ATXN1: variants seen among roughly 807,000 people sequenced by gnomAD.
ATXN1 encodes ataxin 1, also known as ataxin-1.
A neutral mutation model predicts 56.4 loss-of-function variants in ATXN1; 8 were observed. That is an observed-to-expected ratio of 0.14 (90% confidence interval 0.08 to 0.26). ATXN1 has a LOEUF of 0.26. Among genes scored for constraint, ATXN1 ranks in the 10% least tolerant of loss-of-function variants. The probability of loss-of-function intolerance (pLI) is 1.00; values close to 1 mark genes in which losing one functional copy is unlikely to be tolerated. For missense variants in ATXN1, 987 were observed against 1,106.5 expected, an observed-to-expected ratio of 0.89 and a Z score of 1.53; for synonymous variants, 514 against 494.6, an observed-to-expected ratio of 1.04 and a Z score of -0.52.
chr6:16,737,157 T>C (rs890181801), intron 2 of ATXN1: 1 of 152,210 alleles, frequency 6.6e-6, no homozygotes, highest in African/African-American at 2.4e-5. Flanking sequence ...TTCCTAACCA[T>C]GCACAGATGG....
chr6:16,306,360 C>A lies in ATXN1; in HGVS notation c.2417G>T (p.Cys806Phe), dbSNP rs758365128. 5.6e-6 allele frequency: 9 copies of A among 1,612,286 alleles called. No homozygotes were observed. Among genetic ancestry groups the A allele is most frequent in the Non-Finnish European group, 6.8e-6 (8 of 1,179,246 alleles). ...GCCTACATTAGACCGGCCTTCAATGCAAATCTTAACCTCCTGAGGAATTAG... is the reference window on the plus strand; with the variant it reads ...GCCTACATTAGACCGGCCTTCAATGAAAATCTTAACCTCCTGAGGAATTAG... Reference protein sequence around the residue: ...PSLIPQEVKICIEGRSNVGK With the variant: ...PSLIPQEVKIFIEGRSNVGK Residue 806 changes from cysteine to phenylalanine, a missense_variant, in exon 8 of 8, where the codon TGC becomes TTC. Cys to Phe is a radical substitution (Grantham distance 205, BLOSUM62 -2). Coordinates refer to ENST00000436367, the MANE Select transcript of ATXN1 (RefSeq NM_001128164.2). This position sits in a 1 kb window ranked among gnomAD's most constrained non-coding sequence, Gnocchi z 5.2.
chr6:16,590,148 T>C (rs1424728665), intron 3 of ATXN1, among the ~76,000 whole-genome samples: 4 of 152,232 alleles, frequency 2.6e-5, no homozygotes, highest in African/African-American at 7.2e-5. Flanking sequence ...CAGAGTAATG[T>C]GACTTCATAA....
At chr6:16,621,572 T>A (rs1763321123) in intron 3 of ATXN1, among the ~76,000 whole-genome samples, 1 of 151,984 alleles carries the variant, frequency 6.6e-6, no homozygotes, top group Admixed American at 6.6e-5. Flanking sequence ...AATACAAAAA[T>A]TAGCTGGGTG....
At chr6:16,363,570 G>A (rs1233216487) in intron 6 of ATXN1, among the ~76,000 whole-genome samples, 1 of 152,302 alleles carries the variant, frequency 6.6e-6, no homozygotes, top group Admixed American at 6.5e-5. Context: ...TCTAACCAAA[G>A]AACAAGGCAA....
intron 4 of ATXN1, among the ~76,000 whole-genome samples, chr6:16,548,485 T>G (rs1344143073): frequency 6.6e-6 from 1 of 152,264 alleles, no homozygotes; most frequent in Non-Finnish European, 1.5e-5. Flanking sequence ...AACACATTAT[T>G]TAAAACTTTT....
At chr6:16,421,702 G>A (rs963470341) in intron 6 of ATXN1, among the ~76,000 whole-genome samples, 2 of 152,024 alleles carry the variant, frequency 1.3e-5, no homozygotes, top group South Asian at 2.1e-4. Flanking sequence ...GGAGATGAGC[G>A]TGCATGCAAA....
chr6:16,617,040 A>G (rs1763227051), intron 3 of ATXN1, among the ~76,000 whole-genome samples: 1 of 152,174 alleles, frequency 6.6e-6, no homozygotes, highest in African/African-American at 2.4e-5. Flanking sequence ...AGGAAAAAAC[A>G]CAATCTATAT....
At chr6:16,346,787 T>C (rs1217222656) in intron 6 of ATXN1, among the ~76,000 whole-genome samples, 1 of 152,176 alleles carries the variant, frequency 6.6e-6, no homozygotes, top group African/African-American at 2.4e-5. Context: ...TGGCGGCTCT[T>C]GAGGAGCCCT....
At chr6:16,464,974 A>G (rs1760073816) in intron 6 of ATXN1, among the ~76,000 whole-genome samples, 1 of 151,780 alleles carries the variant, frequency 6.6e-6, no homozygotes, top group African/African-American at 2.4e-5. Flanking sequence ...ACTGTTTGTC[A>G]GGGGTCGGGG....
intron 6 of ATXN1, among the ~76,000 whole-genome samples, chr6:16,395,744 G>A (rs900598550): frequency 9.9e-5 from 15 of 152,072 alleles, no homozygotes; most frequent in Non-Finnish European, 2.1e-4. Context: ...TAGGCCGGGC[G>A]CAGTGGCTCA....
intron 6 of ATXN1, among the ~76,000 whole-genome samples, chr6:16,332,503 C>T (rs1349209964): frequency 6.6e-6 from 1 of 152,160 alleles, no homozygotes; most frequent in Admixed American, 6.5e-5. Flanking sequence ...CTGAATTGCC[C>T]TCCCAGGGGA....
At chr6:16,613,366 C>T (rs960497061) in intron 3 of ATXN1, among the ~76,000 whole-genome samples, 1 of 147,254 alleles carries the variant, frequency 6.8e-6, no homozygotes, top group African/African-American at 2.5e-5. Context: ...AAAATATATA[C>T]AAAATGTTTT....
intron 6 of ATXN1, among the ~76,000 whole-genome samples, chr6:16,453,188 ATTG>A (rs983280051): frequency 9.4e-5 from 5 of 53,130 alleles, no homozygotes; most frequent in Non-Finnish European, 1.4e-4. Context: ...CAGTCTCATC[ATTG>A]ATAGAGGGGG....
rs1411763785 is a variant in ATXN1, at chr6:16,304,778, G to C, written c.*1551C>G. On this transcript the variant is annotated 3_prime_UTR_variant, in exon 8 of 8. Transcript: ENST00000436367. ...TAAAAACTGCAGGAATATCACACAA[G>C]TTATAAACTCAATATGTGCAAATCG... is the stretch of plus-strand genomic sequence containing the variant. The C allele has an allele frequency of 6.6e-6, 1 of 152,634 alleles. No individual in the cohort carries two copies. Among genetic ancestry groups the C allele is most frequent in the African/African-American group, 2.4e-5 (1 of 41,444 alleles). 9.5% of individuals were successfully genotyped at this position (152,634 alleles called of 1,614,324 possible).
At chr6:16,692,951 A>G (rs1759080926) in intron 2 of ATXN1, among the ~76,000 whole-genome samples, 1 of 152,162 alleles carries the variant, frequency 6.6e-6, no homozygotes, top group Admixed American at 6.5e-5. Context: ...AGCTCAGTGT[A>G]TCTGTACACT....
At chr6:16,733,667 G>A (rs528543540) in intron 2 of ATXN1, among the ~76,000 whole-genome samples, 2 of 152,188 alleles carry the variant, frequency 1.3e-5, no homozygotes, top group Admixed American at 6.5e-5. Context: ...GACCAACATG[G>A]AGAAACCCCA....
intron 3 of ATXN1, among the ~76,000 whole-genome samples, chr6:16,634,720 T>C (rs921155091): frequency 1.3e-5 from 2 of 152,228 alleles, no homozygotes; most frequent in African/African-American, 4.8e-5. Flanking sequence ...ATCTATGTTG[T>C]AGCATGTATT....
intron 6 of ATXN1, among the ~76,000 whole-genome samples, chr6:16,334,632 G>T (rs56981561): frequency 0.018 from 2,688 of 152,264 alleles, 77 homozygotes; most frequent in African/African-American, 0.061. Flanking sequence ...CAGGAGGATT[G>T]CTTGAGCCCA....
chr6:16,309,678 G>A (rs1239191307), intron 7 of ATXN1, among the ~76,000 whole-genome samples: 1 of 152,110 alleles, frequency 6.6e-6, no homozygotes, highest in Non-Finnish European at 1.5e-5. Flanking sequence ...AGGCAGATGA[G>A]AATTAAACTG....
Sources: gnomAD v4.1 joint callset for allele counts (sites outside exome capture counted in the v4.1 genomes callset) on GRCh38, gnomAD v4.1.1 for gene constraint, Gnocchi (gnomAD v3.1) non-coding constraint, MANE v1.5 for transcripts, NCBI Gene and HGNC (gene_info 2026-07-23, HGNC 2026-07-21) for gene names.